GTSE1: variants seen among roughly 807,000 people sequenced by gnomAD.
GTSE1 encodes G2 and S-phase expressed 1, also known as G2 and S phase-expressed protein 1.
Under a neutral mutation model 60.5 loss-of-function variants are expected in GTSE1, and 52 were observed. The ratio of observed to expected loss-of-function variants is 0.86; its 90% CI spans 0.69 to 1.08. GTSE1 has a LOEUF of 1.08. Among genes scored for constraint, GTSE1 ranks in the 50% least tolerant of loss-of-function variants. The pLI, the probability that GTSE1 is intolerant of heterozygous loss-of-function variation, is 0.00. For missense variants in GTSE1, 937 were observed against 961.8 expected (o/e 0.97, Z 0.34); for synonymous variants, 368 against 386.5 (o/e 0.95, Z 0.56).
chr22:46,298,056 G>A (rs2077667727), intron 2 of GTSE1, among the ~76,000 whole-genome samples: 1 of 151,974 alleles, frequency 6.6e-6, no homozygotes, highest in South Asian at 2.1e-4. Flanking sequence ...TCTCTCTCCT[G>A]AGTTGAAGGG....
At position 46,309,841 on chromosome 22, in the gene GTSE1, T is replaced by C. The variant is rs1402150751; in HGVS notation, c.762+898T>C. Among the ~76,000 whole-genome samples, 2 of 152,210 alleles carry C rather than the reference T, an allele frequency of 1.3e-5. No individual in the cohort carries two copies. The highest frequency in any genetic ancestry group is 2.9e-5 in the Non-Finnish European group (2 of 68,032). On this transcript the variant is annotated intron_variant, in intron 4 of 11. Transcript: ENST00000454366. The surrounding 1 kb of genome is among the most constrained non-coding windows in gnomAD (Gnocchi z 6.2). ...ATTTGGAGCCCGTTTGGGATGTAGATTCCTACCGTGATGTTTCTAGAATGA... is the reference window on the plus strand; with the variant it reads ...ATTTGGAGCCCGTTTGGGATGTAGACTCCTACCGTGATGTTTCTAGAATGA...
rs1176075604 is a variant in GTSE1, at chr22:46,317,014, T to G, written c.1432+602T>G. ...TCTCGCTCTGTCACCCAGGGTGGAA[T>G]GCAGTGGCGCGATCTCAGCGCACTG... is the stretch of plus-strand genomic sequence containing the variant. On this transcript the variant is annotated intron_variant, in intron 7 of 11. Coordinates refer to ENST00000454366, the MANE Select transcript of GTSE1 (RefSeq NM_016426.7). This position sits in a 1 kb window ranked among gnomAD's most constrained non-coding sequence, Gnocchi z 5.6. Among the ~76,000 whole-genome samples the G allele has an allele frequency of 4.6e-5, 7 of 152,206 alleles. No homozygotes were observed. Among genetic ancestry groups the G allele is most frequent in the Non-Finnish European group, 1.0e-4 (7 of 68,038 alleles).
chr22:46,312,480 A>C (rs1453116251), intron 5 of GTSE1, among the ~76,000 whole-genome samples, 175 bp downstream of exon 5: 1 of 151,990 alleles, frequency 6.6e-6, no homozygotes, highest in South Asian at 2.1e-4. Flanking sequence ...CTCTACAAAA[A>C]ATACAAAAAT....
chr22:46,323,757 G>A (rs1601915909), intron 8 of GTSE1, among the ~76,000 whole-genome samples: 1 of 151,734 alleles, frequency 6.6e-6, no homozygotes, highest in African/African-American at 2.4e-5. Context: ...GCACGATCTC[G>A]GCTCACTGCA....
chr22:46,311,530 T>G (rs775579155), intron 4 of GTSE1, among the ~76,000 whole-genome samples: 1 of 152,218 alleles, frequency 6.6e-6, no homozygotes, highest in Non-Finnish European at 1.5e-5. Context: ...AGAAATGCTA[T>G]AAAGGGAAAA....
rs973782809 is a variant in GTSE1 at position 46,316,901 on chromosome 22, CT to C, written c.1432+497del. 2.0e-5 allele frequency among the ~76,000 whole-genome samples: 3 copies of C among 151,768 alleles called. No individual in the cohort carries two copies. The highest frequency in any genetic ancestry group is 6.6e-5 in the Admixed American group (1 of 15,216). ...TCTCACAGGACACCGAAGCTCTGTTCTTTTTTTTATTTCAGCCTTTTTTCTT... is the reference window on the plus strand; with the variant it reads ...TCTCACAGGACACCGAAGCTCTGTTCTTTTTTTATTTCAGCCTTTTTTCTT... On this transcript the variant is annotated intron_variant, in intron 7 of 11. Transcript: ENST00000454366. The surrounding 1 kb of genome is among the most constrained non-coding windows in gnomAD (Gnocchi z 5.0).
rs2077707583 is a variant in GTSE1, at chr22:46,304,850, G to A, written c.80-3300G>A. ...AAATATTAGCCAGGGATGGTTGTGC[G>A]TGCCTGTAGTCCCAGCTACTCGGGA... On this transcript the variant is annotated intron_variant, in intron 2 of 11. Transcript: ENST00000454366. The surrounding 1 kb of genome is among the most constrained non-coding windows in gnomAD (Gnocchi z 4.4). Among the ~76,000 whole-genome samples the A allele has an allele frequency of 6.6e-6, 1 of 152,164 alleles. No homozygotes were observed. The highest frequency in any genetic ancestry group is 1.5e-5 in the Non-Finnish European group (1 of 68,036).
intron 8 of GTSE1, 113 bp downstream of exon 8, chr22:46,323,375 C>A: frequency 1.2e-6 from 1 of 824,012 alleles, no homozygotes; most frequent in South Asian, 1.4e-5. Context: ...GGCTTCCACG[C>A]CAGTCTCTTG....
intron 2 of GTSE1, among the ~76,000 whole-genome samples, chr22:46,299,355 G>C (rs1359358805): frequency 6.6e-6 from 1 of 152,252 alleles, no homozygotes; most frequent in Non-Finnish European, 1.5e-5. Flanking sequence ...CTTGAGCGCA[G>C]CCTCTCCTCC....
chr22:46,325,775 T>C (rs2077840251), intron 8 of GTSE1, among the ~76,000 whole-genome samples: 1 of 152,250 alleles, frequency 6.6e-6, no homozygotes, highest in African/African-American at 2.4e-5. Flanking sequence ...CACATGAATC[T>C]GGGGACACAG....
rs1260689084 is a variant in GTSE1 at position 46,320,414 on chromosome 22, C to T, written c.1433-2776C>T. On this transcript the variant is annotated intron_variant, in intron 7 of 11. Transcript: ENST00000454366. This position sits in a 1 kb window ranked among gnomAD's most constrained non-coding sequence, Gnocchi z 7.1. ...CTGGTCCCACAAACTCAGCACTGGC[C>T]GGAAGAGAGGCCCCAGGGGAGCAGC... 1.3e-5 allele frequency among the ~76,000 whole-genome samples: 2 copies of T among 152,098 alleles called. No homozygotes were observed. The highest frequency in any genetic ancestry group is 2.4e-5 in the African/African-American group (1 of 41,436).
At chr22:46,326,338 A>T in intron 8 of GTSE1, 98 bp from the exon 9 acceptor site, 1 of 1,023,396 alleles carries the variant, frequency 9.8e-7, no homozygotes, top group Non-Finnish European at 1.4e-6. Context: ...TCTGGGCTGA[A>T]ACCAAAGCCC....
Position 46,296,881 on chromosome 22 carries a change from C to G in GTSE1, c.-72C>G, listed in dbSNP as rs926635154. 2.6e-5 allele frequency: 4 copies of G among 155,568 alleles called. No individual in the cohort carries two copies. The highest frequency in any genetic ancestry group is 9.6e-5 in the African/African-American group (4 of 41,496). 9.6% of individuals were successfully genotyped at this position (155,568 alleles called of 1,614,324 possible). A position where few individuals can be genotyped will look rare whatever the true frequency, so the allele number is the denominator to read the frequency against. ...AATCGGCAACCCGCGTCTCCCGGCG[C>G]CGCGTTTAAATCCGTGCCGGAGGCG... is the stretch of plus-strand genomic sequence containing the variant. On this transcript the variant is annotated 5_prime_UTR_variant, in exon 1 of 12. Coordinates refer to ENST00000454366, the MANE Select transcript of GTSE1 (RefSeq NM_016426.7).
At position 46,321,010 on chromosome 22, in the gene GTSE1, C is replaced by T. The variant is rs916368466; in HGVS notation, c.1433-2180C>T. ...GGGGTCTCGGGAGAGAGGGAGCCAA[C>T]ACGGGAGGCGGCAAGGGAGAGGGAG... is the stretch of plus-strand genomic sequence containing the variant. On this transcript the variant is annotated intron_variant, in intron 7 of 11. Coordinates refer to ENST00000454366, the MANE Select transcript of GTSE1 (RefSeq NM_016426.7). The surrounding 1 kb of genome is among the most constrained non-coding windows in gnomAD (Gnocchi z 4.0). 1.3e-5 allele frequency among the ~76,000 whole-genome samples: 2 copies of T among 151,850 alleles called. No individual in the cohort carries two copies. The highest frequency in any genetic ancestry group is 4.8e-5 in the African/African-American group (2 of 41,324).
Position 46,320,901 on chromosome 22 carries a change from C to G in GTSE1, c.1433-2289C>G, listed in dbSNP as rs1254052752. On this transcript the variant is annotated intron_variant, in intron 7 of 11. Coordinates refer to ENST00000454366, the MANE Select transcript of GTSE1 (RefSeq NM_016426.7). The surrounding 1 kb of genome is among the most constrained non-coding windows in gnomAD (Gnocchi z 7.1). ...GAGATGGCTTGTTCGTGTTCTGTTT[C>G]ATAAGAATGACCTTCCCGTGCCACC... Among the ~76,000 whole-genome samples the G allele has an allele frequency of 6.6e-6, 1 of 152,022 alleles. No homozygotes were observed.
At position 46,316,899 on chromosome 22, in the gene GTSE1, T is replaced by C. The variant is rs543450568; in HGVS notation, c.1432+487T>C. Among the ~76,000 whole-genome samples, 2 of 152,246 alleles carry C rather than the reference T, an allele frequency of 1.3e-5. No homozygotes were observed. Among genetic ancestry groups the C allele is most frequent in the East Asian group, 3.9e-4 (2 of 5,194 alleles). Reference sequence around the variant, plus strand: ...TGTCTCACAGGACACCGAAGCTCTGTTCTTTTTTTTATTTCAGCCTTTTTT... The same window carrying C: ...TGTCTCACAGGACACCGAAGCTCTGCTCTTTTTTTTATTTCAGCCTTTTTT... On this transcript the variant is annotated intron_variant, in intron 7 of 11. Coordinates refer to ENST00000454366, the MANE Select transcript of GTSE1 (RefSeq NM_016426.7). The surrounding 1 kb of genome is among the most constrained non-coding windows in gnomAD (Gnocchi z 5.0).
At chr22:46,305,682 G>A (rs1288403491) in intron 2 of GTSE1, among the ~76,000 whole-genome samples, 1 of 151,830 alleles carries the variant, frequency 6.6e-6, no homozygotes, top group South Asian at 2.1e-4. Context: ...GCTGAGGCAG[G>A]TGGAACACAA....
Position 46,320,549 on chromosome 22 carries a change from G to A in GTSE1, c.1433-2641G>A, listed in dbSNP as rs2077806663. On this transcript the variant is annotated intron_variant, in intron 7 of 11. Coordinates refer to ENST00000454366, the MANE Select transcript of GTSE1 (RefSeq NM_016426.7). The surrounding 1 kb of genome is among the most constrained non-coding windows in gnomAD (Gnocchi z 7.1). ...CTGTGACACCAGCTGTCACCGTGGA[G>A]GAGAGGTGAGGGCTGAGGGCACTCA... is the stretch of plus-strand genomic sequence containing the variant. Among the ~76,000 whole-genome samples the A allele has an allele frequency of 6.6e-6, 1 of 152,248 alleles. No homozygotes were observed. Among genetic ancestry groups the A allele is most frequent in the Non-Finnish European group, 1.5e-5 (1 of 68,048 alleles).
Position 46,308,747 on chromosome 22 carries a change from C to G in GTSE1, c.566C>G (p.Ala189Gly), listed in dbSNP as rs760795052. The G allele has an allele frequency of 1.2e-6, 2 of 1,613,266 alleles. No individual in the cohort carries two copies. Among genetic ancestry groups the G allele is most frequent in the East Asian group, 4.5e-5 (2 of 44,888 alleles). ...CCTCGGCTCTTGGCCTCCTCCCCGG[C>G]CCTGCCCAGCTCTGGTGCCCAGGCC... ...GEPRLLASSP[A>G]LPSSGAQARL... The change falls in exon 4 of 12, where the codon GCC becomes GGC. Residue 189 changes from alanine to glycine, a missense_variant. Physicochemically the swap from Ala to Gly is moderately conservative, Grantham distance 60 (BLOSUM62 0). Transcript: ENST00000454366.
Sources: gnomAD v4.1 joint callset for allele counts (sites outside exome capture counted in the v4.1 genomes callset) on GRCh38, gnomAD v4.1.1 for gene constraint, Gnocchi (gnomAD v3.1) non-coding constraint, MANE v1.5 for transcripts, NCBI Gene and HGNC (gene_info 2026-07-23, HGNC 2026-07-21) for gene names.